GLT1D1: variants seen among roughly 807,000 people sequenced by gnomAD.
GLT1D1 encodes glycosyltransferase 1 domain containing 1.
In GLT1D1, 21 loss-of-function variants were observed where a neutral mutation model predicts 28.7. That is an observed-to-expected ratio of 0.73 (90% CI 0.52 to 1.05). GLT1D1 has a LOEUF of 1.05. Ranked by LOEUF, GLT1D1 falls within the 50% of genes least tolerant of loss-of-function variation. GLT1D1 has a pLI of 0.00. For missense variants in GLT1D1, 343 were observed against 330.6 expected (o/e 1.04, Z -0.29); for synonymous variants, 147 against 124.8 (o/e 1.18, Z -1.19).
At chr12:128,973,348 A>ATTTTTTTTTTTTTTTTTTTTTTT (rs369304204) in intron 7 of GLT1D1, among the ~76,000 whole-genome samples, 1 of 118,870 alleles carries the variant, frequency 8.4e-6, no homozygotes. Context: ...ACACCTGGCT[A>ATTTTTTTTTTTTTTTTTTTTTTT]TTTTTTTTTT....
chr12:128,935,466 G>A (rs1223228000), intron 4 of GLT1D1, among the ~76,000 whole-genome samples: 14 of 151,614 alleles, frequency 9.2e-5, no homozygotes, highest in African/African-American at 3.4e-4. Flanking sequence ...GCTTGAACCC[G>A]GGAGGCAGAG....
At chr12:128,925,047 T>A (rs1447796938) in intron 4 of GLT1D1, among the ~76,000 whole-genome samples, 2 of 152,180 alleles carry the variant, frequency 1.3e-5, no homozygotes, top group African/African-American at 4.8e-5. Context: ...TTTGTTTTTT[T>A]TTTTTACTTT....
intron 4 of GLT1D1, among the ~76,000 whole-genome samples, chr12:128,903,571 C>T (rs1870533468): frequency 6.6e-6 from 1 of 151,578 alleles, no homozygotes; most frequent in Non-Finnish European, 1.5e-5. Flanking sequence ...ACTTTCTTCC[C>T]CGTGCTTCTC....
At chr12:128,946,201 G>A (rs66537529) in intron 5 of GLT1D1, among the ~76,000 whole-genome samples, 18,058 of 152,182 alleles carry the variant, frequency 0.12, 1,224 homozygotes, top group Non-Finnish European at 0.16. Context: ...GGACGGGGAA[G>A]ATCGAAGAAA....
rs565490680 is a variant in GLT1D1 at position 128,956,028 on chromosome 12, G to A, written c.541-1517G>A. Among the ~76,000 whole-genome samples the A allele has an allele frequency of 2.3e-3, 355 of 151,254 alleles. 2 individuals are homozygous for A. The highest frequency in any genetic ancestry group is 3.7e-3 in the Non-Finnish European group (248 of 67,818). On this transcript the variant is annotated intron_variant, in intron 6 of 7. Transcript: ENST00000281703. Reference sequence around the variant, plus strand: ...CAAAAAATTAGCCGGGCGTGATGGCGGGCGCCTGTAGTCCCAGCTACTCGG... The same window carrying A: ...CAAAAAATTAGCCGGGCGTGATGGCAGGCGCCTGTAGTCCCAGCTACTCGG...
chr12:128,966,223 A>C (rs867310680), intron 7 of GLT1D1, among the ~76,000 whole-genome samples: 14 of 152,240 alleles, frequency 9.2e-5, no homozygotes, highest in African/African-American at 3.4e-4. Context: ...CCTGGGAGCC[A>C]GGGCTGAGCT....
chr12:128,941,215 T>C (rs1003256331), intron 4 of GLT1D1, among the ~76,000 whole-genome samples: 4 of 152,208 alleles, frequency 2.6e-5, no homozygotes, highest in African/African-American at 9.6e-5. Context: ...TCACGTCTAC[T>C]CATTCATCAG....
intron 1 of GLT1D1, among the ~76,000 whole-genome samples, chr12:128,855,130 C>T (rs190694087): frequency 2.0e-5 from 3 of 148,330 alleles, no homozygotes; most frequent in East Asian, 4.2e-4. Context: ...GCAGGAGAAT[C>T]GCTTGAACCT....
intron 4 of GLT1D1, among the ~76,000 whole-genome samples, chr12:128,907,367 G>A (rs1811393): frequency 0.042 from 6,286 of 148,336 alleles, 462 homozygotes; most frequent in African/African-American, 0.15. Flanking sequence ...GCACAGTGGC[G>A]TGATCTCGGC....
intron 7 of GLT1D1, among the ~76,000 whole-genome samples, chr12:128,976,379 C>A (rs924109073): frequency 6.6e-6 from 1 of 152,152 alleles, no homozygotes; most frequent in South Asian, 2.1e-4. Context: ...TACAAGCTCC[C>A]TTAGAGAGTC....
intron 3 of GLT1D1, among the ~76,000 whole-genome samples, chr12:128,891,042 T>C (rs677334): frequency 6.6e-6 from 1 of 150,598 alleles, no homozygotes; most frequent in African/African-American, 2.4e-5. Context: ...CCGGGAGGTG[T>C]TGGTTGCAGT....
In GLT1D1 at chr12:128,982,931, G is replaced by T; in HGVS notation, c.642G>T (p.Glu214Asp). The T allele has an allele frequency of 6.2e-7, 1 of 1,611,500 alleles. No individual in the cohort carries two copies. The highest frequency in any genetic ancestry group is 1.1e-5 in the South Asian group (1 of 90,682). Residue 214 changes from glutamate (E) to aspartate (D), a missense_variant and splice_region_variant, in exon 8 of 8, where the codon GAG (glutamate) becomes GAT (aspartate). By Grantham distance (45) the Glu-to-Asp change is conservative (BLOSUM62 2). Coordinates refer to ENST00000281703, the MANE Select transcript of GLT1D1 (RefSeq NM_144669.3). The stretch of plus-strand genomic sequence containing the variant: ...TACTTCTCCTTCCTTTTTTGCAGGA[G>T]TTTGTTCATCTGGCAAAGAGACTGG...
intron 7 of GLT1D1, among the ~76,000 whole-genome samples, chr12:128,967,854 C>T (rs1878612900): frequency 6.6e-6 from 1 of 152,216 alleles, no homozygotes; most frequent in South Asian, 2.1e-4. Context: ...AGCCCGTGCA[C>T]AGCACACAGT....
At chr12:128,912,074 G>C (rs539945906) in intron 4 of GLT1D1, among the ~76,000 whole-genome samples, 10 of 152,150 alleles carry the variant, frequency 6.6e-5, no homozygotes, top group Non-Finnish European at 1.5e-4. Context: ...GGCGGGAGCT[G>C]CATCAGCTGG....
chr12:128,959,424 GT>G (rs1555219989), intron 7 of GLT1D1, among the ~76,000 whole-genome samples: 165 of 102,402 alleles, frequency 1.6e-3, no homozygotes, highest in Middle Eastern at 4.8e-3. Flanking sequence ...GGGGGGACGG[GT>G]GGGGAGGTGG....
chr12:128,900,485 C>T (rs769138633), intron 4 of GLT1D1, among the ~76,000 whole-genome samples: 1 of 152,206 alleles, frequency 6.6e-6, no homozygotes, highest in African/African-American at 2.4e-5. Context: ...GTTGCACACG[C>T]CCTGACGGCC....
intron 1 of GLT1D1, among the ~76,000 whole-genome samples, chr12:128,860,478 A>G (rs11059982): frequency 0.11 from 17,247 of 152,168 alleles, 1,082 homozygotes; most frequent in South Asian, 0.22. Context: ...AGAAATTAGT[A>G]GTGTCTAAGA....
chr12:128,868,691 A>G (rs1956609419), intron 1 of GLT1D1, among the ~76,000 whole-genome samples: 1 of 152,198 alleles, frequency 6.6e-6, no homozygotes. Context: ...GCCGACTGCC[A>G]GAGCCAGTGG....
chr12:128,884,979 T>C (rs984974578), intron 2 of GLT1D1, among the ~76,000 whole-genome samples: 24 of 150,792 alleles, frequency 1.6e-4, no homozygotes, highest in Middle Eastern at 3.5e-3. Context: ...GGTCTCAAAC[T>C]CCTGGGGTGG....
Sources: allele counts gnomAD v4.1 joint callset (sites outside exome capture counted in the v4.1 genomes callset), GRCh38; gene constraint gnomAD v4.1.1; transcripts MANE v1.5; gene names NCBI Gene and HGNC (gene_info 2026-07-23, HGNC 2026-07-21).